CCDC144A: variants seen among roughly 807,000 people sequenced by gnomAD.
CCDC144A encodes the protein coiled-coil domain containing 144A.
CCDC144A carries 41 observed loss-of-function variants against 143.8 expected under a neutral mutation model. The observed-to-expected ratio is 0.29, with a 90% confidence interval of 0.22 to 0.37. The LOEUF (loss-of-function observed/expected upper bound fraction) is 0.37, where lower values mean the gene tolerates loss of function less well. Ranked by LOEUF, CCDC144A falls within the 10% of genes least tolerant of loss-of-function variation. The pLI is 1.00. For synonymous variants in CCDC144A, 242 were observed against 517.9 expected, an observed-to-expected ratio of 0.47 and a Z score of 7.23; for missense variants, 637 against 1,488.8, an observed-to-expected ratio of 0.43 and a Z score of 9.41.
chr17:16,776,300 G>C lies in CCDC144A; in HGVS notation c.*2667G>C, dbSNP rs1260950847. ...ATTTACAGATTGCCTTGGGCAGTGT[G>C]GTCATTTTCACGATATTGAACCTTC... On this transcript the variant is annotated 3_prime_UTR_variant, in exon 17 of 17. Coordinates refer to ENST00000399273, the MANE Select transcript of CCDC144A (RefSeq NM_001382000.1). 6.6e-6 allele frequency: 1 copy of C among 152,202 alleles called. No homozygotes were observed. The highest frequency in any genetic ancestry group is 2.4e-5 in the African/African-American group (1 of 41,416). The allele number at this position is 152,202 out of a possible 1,614,324, so 9.4% of individuals were successfully genotyped here.
intron 6 of CCDC144A, among the ~76,000 whole-genome samples, chr17:16,717,103 C>CTTTTTT (rs1195816990): frequency 3.2e-5 from 4 of 126,534 alleles, no homozygotes; most frequent in Non-Finnish European, 4.9e-5. Context: ...GCTCGGCCAG[C>CTTTTTT]TTTTTTTTTT....
the CCDC144A span, among the ~76,000 whole-genome samples, chr17:16,679,088 CGG>C: frequency 0.35 from 52,056 of 149,376 alleles, 10,221 homozygotes; most frequent in African/African-American, 0.52. Flanking sequence ...GTAGAGATGG[CGG>C]GGGGGGGTCT....
chr17:16,693,607 G>A (rs1274392937), intron 2 of CCDC144A, among the ~76,000 whole-genome samples: 2 of 152,094 alleles, frequency 1.3e-5, no homozygotes, highest in African/African-American at 2.4e-5. Flanking sequence ...GAGCCACCGC[G>A]CCCGGCCAAG....
At chr17:16,705,809 C>G (rs1473383996) in intron 3 of CCDC144A, 2 of 236,772 alleles carry the variant, frequency 8.4e-6, no homozygotes, top group African/African-American at 4.7e-5. Flanking sequence ...TTAAAAGACA[C>G]CTTCCCACAC....
At chr17:16,736,873 CAG>C (rs1451098840) in intron 12 of CCDC144A, among the ~76,000 whole-genome samples, 1 of 151,982 alleles carries the variant, frequency 6.6e-6, no homozygotes, top group African/African-American at 2.4e-5. Flanking sequence ...TAATAAAAAA[CAG>C]GGAAAACATT....
At position 16,709,031 on chromosome 17, in the gene CCDC144A, C is replaced by T; in HGVS notation, c.974C>T (p.Thr325Ile). The T allele has an allele frequency of 6.2e-7, 1 of 1,611,590 alleles. No individual in the cohort carries two copies. Among genetic ancestry groups the T allele is most frequent in the Non-Finnish European group, 8.5e-7 (1 of 1,179,620 alleles). ...PEEEPLLDNS[T>I]RGTDVKDIPF... ...GAAGAGCCACTACTTGATAACTCTA[C>T]AAGAGGAACAGATGTAAAGGATATT... The change falls in exon 5 of 17, where the codon ACA (threonine) becomes ATA (isoleucine). Residue 325 changes from threonine to isoleucine, a missense_variant. Transcript: ENST00000399273.
intron 12 of CCDC144A, among the ~76,000 whole-genome samples, chr17:16,759,928 C>G (rs1332094929): frequency 2.0e-5 from 3 of 152,208 alleles, no homozygotes; most frequent in Admixed American, 1.3e-4. Flanking sequence ...TACTTGGCAT[C>G]AGCTGAGGTG....
At chr17:16,724,041 C>A (rs1241910877) in intron 8 of CCDC144A, among the ~76,000 whole-genome samples, 3 of 151,394 alleles carry the variant, frequency 2.0e-5, no homozygotes, top group African/African-American at 4.9e-5. Context: ...GTAATATTTT[C>A]ATTTTCATTC....
At chr17:16,734,565 A>T (rs1913906024) in intron 11 of CCDC144A, 125 bp from the exon 12 acceptor site, 1 of 708,900 alleles carries the variant, frequency 1.4e-6, no homozygotes, top group African/African-American at 1.8e-5. Flanking sequence ...GTTTCGATAG[A>T]ATATTTTTTT....
the CCDC144A span, among the ~76,000 whole-genome samples, chr17:16,678,849 G>A: frequency 6.6e-6 from 1 of 150,380 alleles, no homozygotes; most frequent in Non-Finnish European, 1.5e-5. Flanking sequence ...CTGCCTTCCG[G>A]GTTCAAGCAA....
intron 15 of CCDC144A, among the ~76,000 whole-genome samples, chr17:16,767,784 A>T (rs1173681359): frequency 6.6e-6 from 1 of 152,240 alleles, no homozygotes; most frequent in Non-Finnish European, 1.5e-5. Context: ...ATATATTATA[A>T]CTGGTTGTTG....
intron 8 of CCDC144A, among the ~76,000 whole-genome samples, chr17:16,725,028 TTTTTTTG>T (rs1913333240): frequency 2.3e-5 from 3 of 128,190 alleles, no homozygotes; most frequent in South Asian, 2.4e-4. Flanking sequence ...TTTTTTTTTT[TTTTTTTG>T]TGTGAAATCT....
upstream of CCDC144A, among the ~76,000 whole-genome samples, chr17:16,689,011 G>A (rs1910894218): frequency 1.3e-5 from 2 of 152,120 alleles, no homozygotes; most frequent in Non-Finnish European, 2.9e-5. Context: ...GAGCAGCGCA[G>A]GATCTAGGCT....
intron 12 of CCDC144A, among the ~76,000 whole-genome samples, chr17:16,758,934 G>A (rs1193051761): frequency 6.6e-6 from 1 of 152,188 alleles, no homozygotes; most frequent in Non-Finnish European, 1.5e-5. Context: ...TGTGCTTCCT[G>A]TGAAGGAAGC....
chr17:16,755,814 G>A (rs1342223092), intron 12 of CCDC144A, among the ~76,000 whole-genome samples: 3 of 152,176 alleles, frequency 2.0e-5, no homozygotes, highest in Non-Finnish European at 4.4e-5. Context: ...CCCCACCTTG[G>A]CCTCTCAAAG....
intron 12 of CCDC144A, among the ~76,000 whole-genome samples, chr17:16,753,296 T>C (rs1914885786): frequency 6.6e-6 from 1 of 151,936 alleles, no homozygotes; most frequent in Admixed American, 6.6e-5. Context: ...AATTGGTATT[T>C]AATAGAGCTT....
At chr17:16,736,193 C>A in intron 12 of CCDC144A, among the ~76,000 whole-genome samples, 1 of 147,968 alleles carries the variant, frequency 6.8e-6, no homozygotes. Context: ...ATTTCAGTCT[C>A]AAATTACTTG....
Position 16,729,712 on chromosome 17 carries a change from G to A in CCDC144A, c.2105+1972G>A, listed in dbSNP as rs534532910. Reference sequence around the variant, plus strand: ...CTGTGATTAAAGGCATTGCCACCACGCCTGGCTAATTTTGTATTTTTAGTA... The same window carrying A: ...CTGTGATTAAAGGCATTGCCACCACACCTGGCTAATTTTGTATTTTTAGTA... On this transcript the variant is annotated intron_variant, in intron 9 of 16. Transcript: ENST00000399273. Among the ~76,000 whole-genome samples, 208 of 151,448 alleles carry A rather than the reference G, an allele frequency of 1.4e-3. 4 individuals are homozygous for A. The highest frequency in any genetic ancestry group is 7.1e-4 in the Non-Finnish European group (48 of 67,834).
rs1915989280 is a variant in CCDC144A at position 16,775,986 on chromosome 17, G to T, written c.*2353G>T. 1.3e-5 allele frequency: 2 copies of T among 152,124 alleles called. No homozygotes were observed. Among genetic ancestry groups the T allele is most frequent in the Admixed American group, 6.5e-5 (1 of 15,272 alleles). The allele number at this position is 152,124 out of a possible 1,614,324, so 9.4% of individuals were successfully genotyped here. A position where few individuals can be genotyped will look rare whatever the true frequency, so the allele number is the denominator to read the frequency against. The stretch of plus-strand genomic sequence containing the variant: ...AATCTTTTCCCCATTGCTTCCTTTT[G>T]TCAGGTTTGTCAAAGATCACATGGT... On this transcript the variant is annotated 3_prime_UTR_variant, in exon 17 of 17. Transcript: ENST00000399273.
Sources: allele counts gnomAD v4.1 joint callset (sites outside exome capture counted in the v4.1 genomes callset), GRCh38; gene constraint gnomAD v4.1.1; transcripts MANE v1.5; gene names NCBI Gene and HGNC (gene_info 2026-07-23, HGNC 2026-07-21).